Variants in INSL6 observed in about 807,000 individuals in gnomAD.
INSL6 encodes insulin like 6.
INSL6 carries 16 observed loss-of-function variants against 9.4 expected under a neutral mutation model. The ratio of observed to expected loss-of-function variants is 1.70; its 90% CI spans 1.15 to 2.59. INSL6 has a LOEUF of 2.59. Among genes scored for constraint, INSL6 ranks in the 30% most tolerant of loss-of-function variants. The pLI, the probability that INSL6 is intolerant of heterozygous loss-of-function variation, is 0.00. For missense variants in INSL6, 391 were observed against 257.3 expected, an observed-to-expected ratio of 1.52 and a Z score of -3.56; for synonymous variants, 154 against 96.9, an observed-to-expected ratio of 1.59 and a Z score of -3.46.
At chr9:5,167,889 GT>G (rs1490344323) in intron 1 of INSL6, among the ~76,000 whole-genome samples, 2 of 152,158 alleles carry the variant, frequency 1.3e-5, no homozygotes, top group African/African-American at 2.4e-5. Context: ...ATCTTTGCTG[GT>G]CTGCAGCCTC....
At chr9:5,089,466 G>A in the INSL6 span, among the ~76,000 whole-genome samples, 2 of 148,574 alleles carry the variant, frequency 1.3e-5, no homozygotes, top group Admixed American at 6.7e-5. Context: ...TGAACCCAGG[G>A]GGCGGAGCTT....
the INSL6 span, chr9:5,096,588 G>A: frequency 6.6e-6 from 1 of 152,064 alleles, no homozygotes; most frequent in Non-Finnish European, 1.5e-5. Context: ...CCTCAGGGCT[G>A]GTAAAAAGAG....
At chr9:5,179,220 T>G (rs999212861) in intron 1 of INSL6, among the ~76,000 whole-genome samples, 2 of 152,096 alleles carry the variant, frequency 1.3e-5, no homozygotes, top group Non-Finnish European at 2.9e-5. Flanking sequence ...CAGAGAGTTC[T>G]CAAAAGAAGA....
At chr9:5,041,110 C>G in the INSL6 span, 1 of 811,122 alleles carries the variant, frequency 1.2e-6, no homozygotes, top group Non-Finnish European at 2.0e-6. Context: ...GTTCGACCTT[C>G]ACGCCCAAGA....
downstream of INSL6, among the ~76,000 whole-genome samples, chr9:5,122,574 G>C (rs551907740): frequency 5.9e-5 from 9 of 152,138 alleles, 1 homozygote. Context: ...CTATGTCAGA[G>C]ATTCCCAAGA....
intron 1 of INSL6, among the ~76,000 whole-genome samples, chr9:5,184,693 C>G (rs1364156979): frequency 2.0e-5 from 3 of 152,166 alleles, no homozygotes; most frequent in Non-Finnish European, 4.4e-5. Context: ...ACCTTTGAAA[C>G]TTTAAGTGAA....
chr9:5,139,025 ATATGT>A, intron 2 of INSL6, among the ~76,000 whole-genome samples: 1 of 152,292 alleles, frequency 6.6e-6, no homozygotes, highest in African/African-American at 2.4e-5. Context: ...TATTAAAACC[ATATGT>A]TATATTACTG....
chr9:5,118,338 T>C, the INSL6 span, among the ~76,000 whole-genome samples: 3 of 152,228 alleles, frequency 2.0e-5, no homozygotes, highest in African/African-American at 2.4e-5. Context: ...CACTTTGTAT[T>C]TGGATAATCT....
the INSL6 span, among the ~76,000 whole-genome samples, chr9:5,071,246 T>G: frequency 2.6e-5 from 4 of 152,280 alleles, no homozygotes; most frequent in African/African-American, 9.6e-5. Flanking sequence ...TTCCCACAGA[T>G]AAAAGCATTG....
chr9:5,080,138 T>C, the INSL6 span: 2 of 1,015,672 alleles, frequency 2.0e-6, no homozygotes, highest in Non-Finnish European at 2.9e-6. Context: ...GCCTGATTAT[T>C]CAAATGATTT....
chr9:5,029,836 A>G, the INSL6 span: 1 of 1,611,284 alleles, frequency 6.2e-7, no homozygotes, highest in Non-Finnish European at 8.5e-7. Context: ...AACAGAAAGG[A>G]TCTGGTATCC....
the INSL6 span, among the ~76,000 whole-genome samples, chr9:5,015,966 T>C: frequency 2.0e-5 from 3 of 152,142 alleles, no homozygotes; most frequent in African/African-American, 7.2e-5. Flanking sequence ...TGCAAAATAC[T>C]GAGTGTGGTT....
chr9:5,025,679 C>T, the INSL6 span, among the ~76,000 whole-genome samples: 3 of 151,906 alleles, frequency 2.0e-5, no homozygotes, highest in South Asian at 2.1e-4. Context: ...ACTACAGGCA[C>T]CCACCACCAC....
At chr9:5,006,077 C>A in the INSL6 span, among the ~76,000 whole-genome samples, 11 of 152,120 alleles carry the variant, frequency 7.2e-5, no homozygotes, top group Non-Finnish European at 1.6e-4. Flanking sequence ...CTATAAATGA[C>A]CTTGGGCAGT....
the INSL6 span, among the ~76,000 whole-genome samples, chr9:5,004,710 T>C: frequency 1.3e-5 from 2 of 152,198 alleles, no homozygotes; most frequent in Admixed American, 6.5e-5. Flanking sequence ...CCATTCATTT[T>C]CCATAGTGAC....
intron 1 of INSL6, among the ~76,000 whole-genome samples, chr9:5,178,867 A>T (rs1825379973): frequency 6.6e-6 from 1 of 152,214 alleles, no homozygotes; most frequent in Non-Finnish European, 1.5e-5. Context: ...TTAACTCAAG[A>T]TGGATTAAAG....
the INSL6 span, among the ~76,000 whole-genome samples, chr9:5,065,480 C>A: frequency 6.6e-6 from 1 of 152,178 alleles, no homozygotes; most frequent in African/African-American, 2.4e-5. Flanking sequence ...CTATGTAGAA[C>A]TTCCTGCAGC....
the INSL6 span, among the ~76,000 whole-genome samples, chr9:5,014,577 T>C: frequency 6.6e-6 from 1 of 152,194 alleles, no homozygotes; most frequent in Non-Finnish European, 1.5e-5. Context: ...CAGGGACTGA[T>C]GGAGAAGGAG....
At chr9:5,069,019 C>T in the INSL6 span, 1 of 1,545,326 alleles carries the variant, frequency 6.5e-7, no homozygotes, top group Admixed American at 1.9e-5. Flanking sequence ...TAAACTTATA[C>T]AGCGAGAAAA....
Sources: gnomAD v4.1 joint callset for allele counts (sites outside exome capture counted in the v4.1 genomes callset) on GRCh38, gnomAD v4.1.1 for gene constraint, MANE v1.5 for transcripts, NCBI Gene and HGNC (gene_info 2026-07-23, HGNC 2026-07-21) for gene names.